Variants in GTF2IRD1 observed in about 807,000 individuals in gnomAD.
GTF2IRD1 encodes the protein general transcription factor II-I repeat domain-containing protein 1.
Under a neutral mutation model 113.2 loss-of-function variants are expected in GTF2IRD1, and 26 were observed. The observed-to-expected ratio is 0.23, with a 90% CI of 0.17 to 0.32. The LOEUF (loss-of-function observed/expected upper bound fraction) is 0.32. Among genes scored for constraint, GTF2IRD1 ranks in the 10% least tolerant of loss-of-function variants. The pLI is 1.00. For synonymous variants in GTF2IRD1, 484 were observed against 529.1 expected, an observed-to-expected ratio of 0.91 and a Z score of 1.17; for missense variants, 864 against 1,280.8, an observed-to-expected ratio of 0.67 and a Z score of 4.97.
intron 22 of GTF2IRD1, among the ~76,000 whole-genome samples, chr7:74,574,153 T>A (rs1011744705): frequency 4.4e-4 from 61 of 139,788 alleles, no homozygotes; most frequent in African/African-American, 1.7e-3. Flanking sequence ...CAAGCTAATT[T>A]TTTTTTTTTT....
intron 1 of GTF2IRD1, among the ~76,000 whole-genome samples, chr7:74,475,646 C>T (rs893103300): frequency 1.3e-5 from 2 of 152,228 alleles, no homozygotes; most frequent in Non-Finnish European, 1.5e-5. Context: ...GGCCAAGGCT[C>T]GGGCAAGCCC....
intron 1 of GTF2IRD1, among the ~76,000 whole-genome samples, chr7:74,467,698 T>A (rs782178513): frequency 6.6e-6 from 1 of 151,878 alleles, no homozygotes; most frequent in South Asian, 2.1e-4. Flanking sequence ...TTTAATTTTT[T>A]ATTTTTATTT....
chr7:74,513,794 T>C (rs1796768939), intron 3 of GTF2IRD1, among the ~76,000 whole-genome samples: 1 of 152,090 alleles, frequency 6.6e-6, no homozygotes, highest in African/African-American at 2.4e-5. Context: ...GGAGGATCAC[T>C]TGAGCCCAGG....
intron 17 of GTF2IRD1, among the ~76,000 whole-genome samples, chr7:74,553,863 G>T (rs1799453431): frequency 6.6e-6 from 1 of 152,290 alleles, no homozygotes; most frequent in East Asian, 1.9e-4. Context: ...CCATAAAGAG[G>T]AGGGGCCTAA....
chr7:74,548,234 G>T (rs1410904148), intron 17 of GTF2IRD1, among the ~76,000 whole-genome samples: 1 of 151,694 alleles, frequency 6.6e-6, no homozygotes, highest in Non-Finnish European at 1.5e-5. Flanking sequence ...TGGCTAACAC[G>T]GTGAAACCCC....
intron 8 of GTF2IRD1, 108 bp from the exon 9 acceptor site, chr7:74,529,626 C>A: frequency 1.2e-6 from 1 of 834,202 alleles, no homozygotes; most frequent in Non-Finnish European, 1.9e-6. Context: ...CGCTACATGG[C>A]CAGAGTGGAG....
At chr7:74,594,631 G>A (rs1399646984) in intron 24 of GTF2IRD1, among the ~76,000 whole-genome samples, 2 of 152,142 alleles carry the variant, frequency 1.3e-5, no homozygotes, top group Non-Finnish European at 2.9e-5. Flanking sequence ...ATCTCAGGGA[G>A]CAGGTGAGAA....
At chr7:74,522,237 A>G (rs1466858958) in intron 7 of GTF2IRD1, among the ~76,000 whole-genome samples, 1 of 149,636 alleles carries the variant, frequency 6.7e-6, no homozygotes, top group East Asian at 1.9e-4. Flanking sequence ...AAAGGCAGTG[A>G]TATATTTAAA....
intron 22 of GTF2IRD1, among the ~76,000 whole-genome samples, chr7:74,561,587 G>A (rs748830630): frequency 2.6e-5 from 4 of 151,766 alleles, no homozygotes; most frequent in South Asian, 2.1e-4. Context: ...GTGTGTTTCC[G>A]GAGCTCTCGG....
intron 9 of GTF2IRD1, among the ~76,000 whole-genome samples, chr7:74,530,941 G>A (rs1184932568): frequency 6.6e-6 from 1 of 152,128 alleles, no homozygotes; most frequent in Non-Finnish European, 1.5e-5. Flanking sequence ...ATGGTGGCAG[G>A]TACCTGTAGT....
At chr7:74,466,952 CTT>C (rs782708976) in intron 1 of GTF2IRD1, among the ~76,000 whole-genome samples, 55 of 140,100 alleles carry the variant, frequency 3.9e-4, no homozygotes, top group Non-Finnish European at 3.8e-4. Flanking sequence ...CTTTTTCTTT[CTT>C]TTTTTTTTTT....
chr7:74,584,369 C>T (rs782594492), intron 22 of GTF2IRD1, among the ~76,000 whole-genome samples: 5 of 152,058 alleles, frequency 3.3e-5, no homozygotes, highest in Non-Finnish European at 7.4e-5. Context: ...CACTCGAACC[C>T]GGTAGGCGGA....
intron 2 of GTF2IRD1, among the ~76,000 whole-genome samples, chr7:74,509,326 C>G (rs34633907): frequency 0.1 from 15,487 of 151,840 alleles, 1,945 homozygotes; most frequent in East Asian, 0.39. Flanking sequence ...CACTGCACTC[C>G]CGCCTGGGCA....
In GTF2IRD1 at chr7:74,512,032, C is replaced by A. The variant is rs1184600058; in HGVS notation, c.124-798C>A. The stretch of plus-strand genomic sequence containing the variant: ...ACCCAAGCCCAGTGGCACTGTGGAA[C>A]TGGGCTGCTTGTCCCCAATTCTATA... On this transcript the variant is annotated intron_variant, in intron 2 of 26. Coordinates refer to ENST00000424337, the MANE Select transcript of GTF2IRD1 (RefSeq NM_005685.4). This position sits in a 1 kb window ranked among gnomAD's most constrained non-coding sequence, Gnocchi z 4.4. Among the ~76,000 whole-genome samples the A allele has an allele frequency of 6.6e-6, 1 of 152,180 alleles. No homozygotes were observed. Among genetic ancestry groups the A allele is most frequent in the Non-Finnish European group, 1.5e-5 (1 of 68,024 alleles).
At chr7:74,505,549 G>A (rs1796255439) in intron 1 of GTF2IRD1, among the ~76,000 whole-genome samples, 1 of 152,208 alleles carries the variant, frequency 6.6e-6, no homozygotes, top group Non-Finnish European at 1.5e-5. Context: ...AAACGGATTA[G>A]AGCCTTTACC....
At chr7:74,565,112 TGCCCGCA>T (rs1800215944) in intron 22 of GTF2IRD1, among the ~76,000 whole-genome samples, 1 of 152,206 alleles carries the variant, frequency 6.6e-6, no homozygotes, top group African/African-American at 2.4e-5. Flanking sequence ...ACTCCAGCCC[TGCCCGCA>T]AGGGGCTGAG....
At chr7:74,468,816 G>A (rs1367946695) in intron 1 of GTF2IRD1, among the ~76,000 whole-genome samples, 2 of 151,862 alleles carry the variant, frequency 1.3e-5, no homozygotes, top group Non-Finnish European at 2.9e-5. Context: ...CGGGCGCGGT[G>A]GCTCACGCCT....
In GTF2IRD1 at chr7:74,535,094, G is replaced by A. The variant is rs781810820; in HGVS notation, c.1275-19G>A. The A allele has an allele frequency of 8.7e-6, 14 of 1,611,198 alleles. No individual in the cohort carries two copies. The highest frequency in any genetic ancestry group is 3.3e-4 in the Middle Eastern group (2 of 6,052). On this transcript the variant is annotated intron_variant, in intron 9 of 26. Transcript: ENST00000424337. ...TCCAGCCTGCACTGTTCTCATGCCT[G>A]TCTCTCTTCTCTCCCCAGGATGTTT...
chr7:74,581,351 G>A (rs1314640666), intron 22 of GTF2IRD1, among the ~76,000 whole-genome samples: 19 of 152,302 alleles, frequency 1.2e-4, no homozygotes, highest in African/African-American at 2.9e-4. Flanking sequence ...TGAGGACATC[G>A]AGTGGTTCAG....
Sources: gnomAD v4.1 joint callset for allele counts (sites outside exome capture counted in the v4.1 genomes callset) on GRCh38, gnomAD v4.1.1 for gene constraint, Gnocchi (gnomAD v3.1) non-coding constraint, MANE v1.5 for transcripts, NCBI Gene and HGNC (gene_info 2026-07-23, HGNC 2026-07-21) for gene names.